The following PTPRM variants were observed in gnomAD, a reference collection of about 807,000 sequenced individuals.
PTPRM encodes receptor-type tyrosine-protein phosphatase mu.
A neutral mutation model predicts 186.7 loss-of-function variants in PTPRM; 47 were observed. The observed-to-expected ratio is 0.25, with a 90% CI of 0.20 to 0.32. The LOEUF (loss-of-function observed/expected upper bound fraction) is 0.32. Among genes scored for constraint, PTPRM ranks in the 10% least tolerant of loss-of-function variants. The pLI is 1.00. For missense variants in PTPRM, 1,494 were observed against 1,865.0 expected, an observed-to-expected ratio of 0.80 and a Z score of 3.66; for synonymous variants, 668 against 674.9, an observed-to-expected ratio of 0.99 and a Z score of 0.16.
At position 8,370,759 on chromosome 18, in the gene PTPRM, A is replaced by G. The variant is rs936175991; in HGVS notation, c.3055-131A>G. ...AACACAGGTGATCTACAAAAAATAG[A>G]CCTTCCTCTTGAGTATACAATTAAC... is the stretch of plus-strand genomic sequence containing the variant. On this transcript the variant is annotated intron_variant, in intron 23 of 32. Coordinates refer to ENST00000580170, the MANE Select transcript of PTPRM (RefSeq NM_001105244.2). 1.2e-4 allele frequency: 64 copies of G among 545,340 alleles called. No homozygotes were observed. In the South Asian group the frequency reaches 2.2e-3, roughly 18 times the overall value. 33.8% of individuals were successfully genotyped at this position (545,340 alleles called of 1,614,324 possible).
chr18:8,147,887 A>T (rs985356194), intron 14 of PTPRM, among the ~76,000 whole-genome samples: 4 of 152,166 alleles, frequency 2.6e-5, no homozygotes, highest in African/African-American at 4.8e-5. Flanking sequence ...CCTTTTCTGC[A>T]TCTATTGAGA....
rs189860703 is a variant in PTPRM, at chr18:8,346,393, C to T, written c.3054+2873C>T. Reference sequence around the variant, plus strand: ...TGGCTTTCATGTGGCCACCTTCTTGCGGCAACCTCACGTGTCAGAGAGAGC... The same window carrying T: ...TGGCTTTCATGTGGCCACCTTCTTGTGGCAACCTCACGTGTCAGAGAGAGC... On this transcript the variant is annotated intron_variant, in intron 23 of 32. Transcript: ENST00000580170. Among the ~76,000 whole-genome samples, 472 of 152,318 alleles carry T rather than the reference C, an allele frequency of 3.1e-3. 2 individuals carry two copies. The highest frequency in any genetic ancestry group is 0.011 in the African/African-American group (444 of 41,588).
rs1023837184 is a variant in PTPRM, at chr18:8,307,561, T to G, written c.2843-7220T>G. On this transcript the variant is annotated intron_variant, in intron 20 of 32. Transcript: ENST00000580170. ...GCTCACACCTGTAATCTTAGCACTT[T>G]GGGAGGCCAAGGCAGGCAGATCACC... Among the ~76,000 whole-genome samples, 15 of 152,280 alleles carry G rather than the reference T, an allele frequency of 9.9e-5. 1 individual carries two copies. The highest frequency in any genetic ancestry group is 3.9e-4 in the Admixed American group (6 of 15,300).
chr18:8,124,039 A>G (rs1442861587), intron 13 of PTPRM, among the ~76,000 whole-genome samples: 1 of 152,206 alleles, frequency 6.6e-6, no homozygotes, highest in Non-Finnish European at 1.5e-5. Context: ...AAGATACTTC[A>G]TAAAGCAGCC....
chr18:7,759,504 C>A (rs2041668641), intron 1 of PTPRM, among the ~76,000 whole-genome samples: 1 of 152,218 alleles, frequency 6.6e-6, no homozygotes, highest in Non-Finnish European at 1.5e-5. Flanking sequence ...TGAATAGTTT[C>A]TGGACGCAGA....
At chr18:8,160,742 A>G (rs1456111206) in intron 14 of PTPRM, among the ~76,000 whole-genome samples, 1 of 152,160 alleles carries the variant, frequency 6.6e-6, no homozygotes, top group Non-Finnish European at 1.5e-5. Flanking sequence ...AGGACTTAGC[A>G]TTTCCAGGCA....
chr18:7,660,097 T>G (rs942942548), intron 1 of PTPRM, among the ~76,000 whole-genome samples: 1 of 152,074 alleles, frequency 6.6e-6, no homozygotes, highest in East Asian at 1.9e-4. Context: ...TCCCAGCACT[T>G]TGGGAGGCTG....
intron 1 of PTPRM, among the ~76,000 whole-genome samples, chr18:7,627,669 G>A (rs1455380541): frequency 6.6e-6 from 1 of 152,188 alleles, no homozygotes; most frequent in South Asian, 2.1e-4. Flanking sequence ...AATTCGGCGG[G>A]CACCAGAGGC....
intron 12 of PTPRM, among the ~76,000 whole-genome samples, chr18:8,113,962 T>C (rs491692): frequency 6.6e-6 from 1 of 150,618 alleles, no homozygotes. Flanking sequence ...TTTTTTTGAT[T>C]GGGGGAGTTT....
rs187072474 is a variant in PTPRM, at chr18:8,358,658, C to T, written c.3055-12232C>T. Among the ~76,000 whole-genome samples, 7 of 152,298 alleles carry T rather than the reference C, an allele frequency of 4.6e-5. No individual in the cohort carries two copies. In the East Asian group the frequency reaches 1.2e-3, roughly 25 times the overall value. On this transcript the variant is annotated intron_variant, in intron 23 of 32. Transcript: ENST00000580170. ...AAGAGAGGATCCTTCAAGACATGTA[C>T]AACCCAATTATAGAGGTATTACATA...
At chr18:7,898,350 G>C (rs2049478604) in intron 3 of PTPRM, among the ~76,000 whole-genome samples, 2 of 152,188 alleles carry the variant, frequency 1.3e-5, no homozygotes, top group Non-Finnish European at 2.9e-5. Flanking sequence ...GTGAGTATCT[G>C]TGTTGGTAAG....
intron 7 of PTPRM, among the ~76,000 whole-genome samples, chr18:7,999,267 GA>G (rs1429700858): frequency 1.3e-5 from 2 of 152,130 alleles, no homozygotes; most frequent in Admixed American, 6.5e-5. Flanking sequence ...GACATGGGGA[GA>G]ATGTACAAAC....
rs5822996 is a variant in PTPRM, at chr18:8,186,325, CAAAAAAA to C, written c.2300+42560_2300+42566del. Among the ~76,000 whole-genome samples the C allele has an allele frequency of 2.3e-4, 22 of 94,784 alleles. No individual in the cohort carries two copies. The Admixed American group carries it at 2.5e-3, about 11-fold the overall frequency. 62.2% of individuals were successfully genotyped at this position (94,784 alleles called of 152,430 possible). A position where few individuals can be genotyped will look rare whatever the true frequency, so the allele number is the denominator to read the frequency against. ...TGGGCAACAGAGCGATACTCCATCTCAAAAAAAAAAAAAAAAAAAAGAATGAAAAGTA... is the reference window on the plus strand; with the variant it reads ...TGGGCAACAGAGCGATACTCCATCTCAAAAAAAAAAAAAGAATGAAAAGTA... On this transcript the variant is annotated intron_variant, in intron 14 of 32. Coordinates refer to ENST00000580170, the MANE Select transcript of PTPRM (RefSeq NM_001105244.2).
chr18:8,289,545 TATATACATATATATAC>T (rs2095009192), intron 19 of PTPRM, among the ~76,000 whole-genome samples: 3 of 112,540 alleles, frequency 2.7e-5, no homozygotes, highest in African/African-American at 1.3e-4. Flanking sequence ...CACATATATA[TATATACATATATATAC>T]ACATATATAT....
chr18:7,594,811 C>G (rs943230620), intron 1 of PTPRM, among the ~76,000 whole-genome samples: 5 of 152,114 alleles, frequency 3.3e-5, no homozygotes, highest in Non-Finnish European at 1.5e-5. Context: ...AACTTGAAAA[C>G]AATTGAGTGA....
chr18:7,854,969 C>A (rs2047026712), intron 2 of PTPRM, among the ~76,000 whole-genome samples: 1 of 152,056 alleles, frequency 6.6e-6, no homozygotes, highest in Admixed American at 6.6e-5. Flanking sequence ...GCATCTCCTA[C>A]CCTCAGAAAT....
chr18:8,299,406 G>A (rs1039886037), intron 20 of PTPRM, among the ~76,000 whole-genome samples: 12 of 152,026 alleles, frequency 7.9e-5, no homozygotes, highest in African/African-American at 2.9e-4. Flanking sequence ...GGCAAACATG[G>A]TGAAACCCTG....
At chr18:7,614,083 C>A (rs1312595121) in intron 1 of PTPRM, among the ~76,000 whole-genome samples, 1 of 152,196 alleles carries the variant, frequency 6.6e-6, no homozygotes, top group East Asian at 1.9e-4. Context: ...AATACTTTTT[C>A]TTCCACCCTC....
intron 1 of PTPRM, among the ~76,000 whole-genome samples, chr18:7,767,774 A>G (rs545348317): frequency 2.0e-5 from 3 of 152,340 alleles, no homozygotes; most frequent in African/African-American, 7.2e-5. Flanking sequence ...TGGAGACTTC[A>G]TTAACATTTA....
Sources: allele counts gnomAD v4.1 joint callset (sites outside exome capture counted in the v4.1 genomes callset), GRCh38; gene constraint gnomAD v4.1.1; transcripts MANE v1.5; gene names NCBI Gene and HGNC (gene_info 2026-07-23, HGNC 2026-07-21).